PDE10A: variants seen among roughly 807,000 people sequenced by gnomAD.
The protein encoded by PDE10A is cAMP and cAMP-inhibited cGMP 3',5'-cyclic phosphodiesterase 10A.
Under a neutral mutation model 97.7 loss-of-function variants are expected in PDE10A, and 39 were observed. The ratio of observed to expected loss-of-function variants is 0.40; its 90% CI spans 0.31 to 0.52. PDE10A has a LOEUF of 0.52. Ranked by LOEUF, PDE10A falls within the 20% of genes least tolerant of loss-of-function variation. PDE10A has a pLI of 0.56. For synonymous variants in PDE10A, 371 were observed against 376.8 expected, an observed-to-expected ratio of 0.98 and a Z score of 0.18; for missense variants, 731 against 1,047.8, an observed-to-expected ratio of 0.70 and a Z score of 4.17.
At chr6:165,545,341 G>T in intron 1 of PDE10A, 1 of 347,252 alleles carries the variant, frequency 2.9e-6, no homozygotes, top group Non-Finnish European at 5.5e-6. Context: ...AACTATATGA[G>T]TTATCTCCTT....
chr6:165,712,006 T>G (rs1791906641), intron 1 of PDE10A, among the ~76,000 whole-genome samples: 1 of 152,096 alleles, frequency 6.6e-6, no homozygotes. Context: ...TCCTCACTGG[T>G]CTTTATTGCT....
intron 1 of PDE10A, among the ~76,000 whole-genome samples, chr6:165,718,081 C>T (rs1480534058): frequency 1.3e-5 from 2 of 152,154 alleles, no homozygotes; most frequent in Non-Finnish European, 2.9e-5. Flanking sequence ...CTTTGATGCA[C>T]AAAAGTTTTT....
chr6:165,916,777 C>T (rs1782616439), intron 1 of PDE10A, among the ~76,000 whole-genome samples: 1 of 152,206 alleles, frequency 6.6e-6, no homozygotes, highest in African/African-American at 2.4e-5. Context: ...ACAATTCTCT[C>T]TTTTAGGTGG....
At chr6:165,894,422 A>C (rs1001248433) in intron 1 of PDE10A, 11 of 455,842 alleles carry the variant, frequency 2.4e-5, no homozygotes, top group African/African-American at 2.2e-4. Flanking sequence ...CAGAGATATA[A>C]GTCAAGGCCT....
At chr6:165,795,558 T>C (rs1337939804) in intron 1 of PDE10A, among the ~76,000 whole-genome samples, 1 of 151,524 alleles carries the variant, frequency 6.6e-6, no homozygotes, top group African/African-American at 2.4e-5. Context: ...AAACCCCGTC[T>C]CTACTAAAAA....
At chr6:165,605,276 CA>C (rs201896841) in intron 1 of PDE10A, among the ~76,000 whole-genome samples, 4 of 151,932 alleles carry the variant, frequency 2.6e-5, no homozygotes, top group East Asian at 3.9e-4. Context: ...AACAAACAAA[CA>C]AAAAAAACCA....
intron 1 of PDE10A, among the ~76,000 whole-genome samples, chr6:165,758,121 A>C (rs543933997): frequency 2.9e-4 from 44 of 152,354 alleles, no homozygotes; most frequent in Admixed American, 1.2e-3. Flanking sequence ...CTTTTTCATG[A>C]GATTAAAAAC....
In PDE10A at chr6:165,418,843, A is replaced by G. The variant is rs755695227; in HGVS notation, c.1654-66T>C. The G allele has an allele frequency of 2.2e-6, 3 of 1,340,522 alleles. No individual in the cohort carries two copies. The highest frequency in any genetic ancestry group is 3.2e-6 in the Non-Finnish European group (3 of 950,596). The allele number at this position is 1,340,522 out of a possible 1,614,324, so 83.0% of individuals were successfully genotyped here. On this transcript the variant is annotated intron_variant, in intron 10 of 21. Coordinates refer to ENST00000539869, the MANE Select transcript of PDE10A (RefSeq NM_001385079.1). This position sits in a 1 kb window ranked among gnomAD's most constrained non-coding sequence, Gnocchi z 4.8. The stretch of plus-strand genomic sequence containing the variant: ...TTCAAAGAACTTGCAGGTAAACTTT[A>G]TCATAAAATAAGTATTAATTTCAGC...
At chr6:165,948,708 C>G (rs1783858379) in intron 1 of PDE10A, 1 of 152,430 alleles carries the variant, frequency 6.6e-6, no homozygotes, top group African/African-American at 2.4e-5. Context: ...ACAGTCTAAG[C>G]CAGGGGCCAG....
chr6:165,799,269 A>G (rs1778915324), intron 1 of PDE10A, among the ~76,000 whole-genome samples: 3 of 152,220 alleles, frequency 2.0e-5, no homozygotes, highest in Non-Finnish European at 2.9e-5. Flanking sequence ...ATGGAGGAAG[A>G]GGGCAGGTCT....
chr6:165,467,445 C>A (rs1297751370), intron 3 of PDE10A, among the ~76,000 whole-genome samples: 1 of 152,170 alleles, frequency 6.6e-6, no homozygotes, highest in Admixed American at 6.5e-5. Context: ...ACAAATGCTG[C>A]TGATGACTTT....
chr6:165,873,296 A>C (rs1382927766), intron 1 of PDE10A, among the ~76,000 whole-genome samples: 1 of 152,136 alleles, frequency 6.6e-6, no homozygotes, highest in African/African-American at 2.4e-5. Context: ...ATATCCAAAA[A>C]CAAAAATACT....
At chr6:165,838,821 G>A (rs975390058) in intron 1 of PDE10A, among the ~76,000 whole-genome samples, 3 of 152,202 alleles carry the variant, frequency 2.0e-5, no homozygotes, top group African/African-American at 7.2e-5. Context: ...ATTCCATCCA[G>A]GGTTTCCAAA....
chr6:165,741,769 T>C (rs1006430796), intron 1 of PDE10A, among the ~76,000 whole-genome samples: 7 of 152,184 alleles, frequency 4.6e-5, no homozygotes, highest in African/African-American at 1.4e-4. Flanking sequence ...ATGAGATTGA[T>C]TGTGGGCAAA....
At chr6:165,396,823 T>C (rs939577387) in intron 13 of PDE10A, among the ~76,000 whole-genome samples, 4 of 152,216 alleles carry the variant, frequency 2.6e-5, no homozygotes, top group African/African-American at 7.2e-5. Context: ...AAGATCATCG[T>C]AAGATCTAAG....
At chr6:165,585,532 A>C (rs1018976845) in intron 1 of PDE10A, among the ~76,000 whole-genome samples, 2 of 152,158 alleles carry the variant, frequency 1.3e-5, no homozygotes, top group Non-Finnish European at 2.9e-5. Context: ...GCACAGAGGA[A>C]AAGGGGATGT....
At chr6:165,396,923 T>C (rs1332247450) in intron 13 of PDE10A, among the ~76,000 whole-genome samples, 1 of 152,232 alleles carries the variant, frequency 6.6e-6, no homozygotes, top group Non-Finnish European at 1.5e-5. Flanking sequence ...TTTATCATCA[T>C]TACCTTCTCT....
intron 3 of PDE10A, among the ~76,000 whole-genome samples, chr6:165,475,662 G>C (rs1779253016): frequency 6.6e-6 from 1 of 152,186 alleles, no homozygotes; most frequent in Admixed American, 6.6e-5. Context: ...AGTTGGATGT[G>C]AGTTCATGCT....
At chr6:165,778,586 G>A (rs187829484) in intron 1 of PDE10A, among the ~76,000 whole-genome samples, 33 of 152,270 alleles carry the variant, frequency 2.2e-4, no homozygotes, top group Admixed American at 9.1e-4. Context: ...TGGAGTTGCT[G>A]CCCCTGGGCT....
Sources: gnomAD v4.1 joint callset for allele counts (sites outside exome capture counted in the v4.1 genomes callset) on GRCh38, gnomAD v4.1.1 for gene constraint, Gnocchi (gnomAD v3.1) non-coding constraint, MANE v1.5 for transcripts, NCBI Gene and HGNC (gene_info 2026-07-23, HGNC 2026-07-21) for gene names.